Variants in LAMB4 observed in about 807,000 individuals in gnomAD.
LAMB4 encodes laminin subunit beta-4.
Under a neutral mutation model 199.2 loss-of-function variants are expected in LAMB4, and 196 were observed. That is an observed-to-expected ratio of 0.98 (90% confidence interval 0.88 to 1.11). The LOEUF is 1.11. Ranked by LOEUF, LAMB4 falls within the 50% of genes least tolerant of loss-of-function variation. The pLI, the probability that LAMB4 is intolerant of heterozygous loss-of-function variation, is 0.00. For synonymous variants in LAMB4, 744 were observed against 770.6 expected (o/e 0.97, Z 0.57); for missense variants, 2,080 against 2,171.2 (o/e 0.96, Z 0.83).
chr7:108,049,230 GA>G, intron 27 of LAMB4, 95 bp downstream of exon 27: 2 of 389,998 alleles, frequency 5.1e-6, no homozygotes, highest in Admixed American at 4.4e-5. Context: ...TAATGAAAAA[GA>G]AATTTAAAAT....
chr7:108,105,558 G>T (rs1409087617), intron 8 of LAMB4, among the ~76,000 whole-genome samples: 1 of 152,202 alleles, frequency 6.6e-6, no homozygotes, highest in Admixed American at 6.5e-5. Flanking sequence ...GCAAGATGAA[G>T]TATCTTGAAA....
intron 4 of LAMB4, among the ~76,000 whole-genome samples, chr7:108,110,207 T>G (rs2038171256): frequency 6.6e-6 from 1 of 152,110 alleles, no homozygotes; most frequent in African/African-American, 2.4e-5. Context: ...TTTTGTATTT[T>G]TAGTAGAGAC....
intron 1 of LAMB4, among the ~76,000 whole-genome samples, chr7:108,128,832 G>A (rs1385796860): frequency 3.3e-5 from 5 of 152,270 alleles, no homozygotes; most frequent in Non-Finnish European, 5.9e-5. Context: ...CTCTTTTCTT[G>A]TTAAATTCAT....
In LAMB4 at chr7:108,023,926, T is replaced by G; in HGVS notation, c.*113A>C. The G allele has an allele frequency of 1.2e-6, 1 of 848,196 alleles. No homozygotes were observed. Among genetic ancestry groups the G allele is most frequent in the Non-Finnish European group, 1.7e-6 (1 of 577,778 alleles). 52.5% of individuals were successfully genotyped at this position (848,196 alleles called of 1,614,324 possible). Reference sequence around the variant, plus strand: ...GCAGGTGTCTAATAAGGACAGGGTGTGGGGAAGGAAGGTAGAAGACATTGT... The same window carrying G: ...GCAGGTGTCTAATAAGGACAGGGTGGGGGGAAGGAAGGTAGAAGACATTGT... On this transcript the variant is annotated 3_prime_UTR_variant, in exon 34 of 34. Transcript: ENST00000388781.
Position 108,030,985 on chromosome 7 carries a change from G to T in LAMB4, c.4819-6C>A. The stretch of plus-strand genomic sequence containing the variant: ...TCCCTGGTTTGATTTTCAGCCTGTT[G>T]TTGATTTAAAGACCAAAAAGGGAAA... On this transcript the variant is annotated splice_polypyrimidine_tract_variant and splice_region_variant and intron_variant, in intron 31 of 33. Coordinates refer to ENST00000388781, the MANE Select transcript of LAMB4 (RefSeq NM_007356.3). The T allele has an allele frequency of 6.2e-7, 1 of 1,610,894 alleles. No individual in the cohort carries two copies. The highest frequency in any genetic ancestry group is 2.2e-5 in the East Asian group (1 of 44,676).
intron 5 of LAMB4, 105 bp from the exon 6 acceptor site, chr7:108,107,924 G>C (rs2038083598): frequency 1.2e-5 from 10 of 831,672 alleles, no homozygotes. Flanking sequence ...AAAACTTTAG[G>C]TGTATCTTTT....
Position 108,057,896 on chromosome 7 carries a change from G to T in LAMB4, c.3315C>A (p.Tyr1105Ter). The change falls in exon 24 of 34, where the codon TAC becomes TAA. Residue 1105 changes from tyrosine to a stop codon, truncating the protein, a stop_gained. Transcript: ENST00000388781. LOFTEE classifies it high-confidence loss of function. ...GGCACTCACTGCAACGTTTCCCGCC[G>T]TAACCTAATTTACACGGACACTGGC... ...LTGQCPCKLG[Y>*]GGKRCSECQE... 2 of 1,613,774 alleles carry T rather than the reference G, an allele frequency of 1.2e-6. No homozygotes were observed. The highest frequency in any genetic ancestry group is 1.7e-6 in the Non-Finnish European group (2 of 1,179,736).
rs2035149031 is a variant in LAMB4 at position 108,034,276 on chromosome 7, C to T, written c.4750G>A (p.Gly1584Arg). Reference sequence around the variant, plus strand: ...TGTGTAATGGTAGAGTTTGCCCGTCCTTGAGTGATTTGAGCTTGTTGTAAC... The same window carrying T: ...TGTGTAATGGTAGAGTTTGCCCGTCTTTGAGTGATTTGAGCTTGTTGTAAC... ...NQLQQAQITQGRANSTITQLT... is the reference protein window; with the variant it reads ...NQLQQAQITQRRANSTITQLT... Residue 1584 changes from glycine to arginine, a missense_variant, in exon 31 of 34, where the codon GGA (glycine) becomes AGA (arginine). Coordinates refer to ENST00000388781, the MANE Select transcript of LAMB4 (RefSeq NM_007356.3). 6.2e-7 allele frequency: 1 copy of T among 1,613,694 alleles called. No homozygotes were observed.
intron 31 of LAMB4, among the ~76,000 whole-genome samples, chr7:108,032,493 T>C (rs1409205239): frequency 6.6e-6 from 1 of 152,148 alleles, no homozygotes; most frequent in East Asian, 1.9e-4. Flanking sequence ...TTGGAGAGGA[T>C]TTTTGTTTGC....
intron 22 of LAMB4, 34 bp from the exon 23 acceptor site, chr7:108,063,028 C>G (rs377115957): frequency 4.0e-5 from 56 of 1,410,218 alleles, no homozygotes; most frequent in Non-Finnish European, 4.8e-5. Context: ...GAGGTAAATT[C>G]AATGATAAAT....
intron 14 of LAMB4, among the ~76,000 whole-genome samples, chr7:108,084,743 G>A (rs1215032630): frequency 6.9e-6 from 1 of 144,324 alleles, no homozygotes; most frequent in African/African-American, 2.6e-5. Flanking sequence ...TTTGAATGCA[G>A]AAAGAAAGGC....
intron 14 of LAMB4, among the ~76,000 whole-genome samples, chr7:108,087,079 G>A (rs2037209672): frequency 6.6e-6 from 1 of 152,140 alleles, no homozygotes; most frequent in Non-Finnish European, 1.5e-5. Flanking sequence ...GAGAAAGCAA[G>A]TCCCCATGAC....
chr7:108,033,826 A>T (rs979745493), intron 31 of LAMB4, among the ~76,000 whole-genome samples: 7 of 140,742 alleles, frequency 5.0e-5, no homozygotes, highest in Non-Finnish European at 1.1e-4. Flanking sequence ...TAGTTAACTC[A>T]TTTCTTTGGT....
At chr7:108,112,068 G>T in intron 3 of LAMB4, 122 bp from the exon 4 acceptor site, 1 of 698,262 alleles carries the variant, frequency 1.4e-6, no homozygotes, top group Non-Finnish European at 2.2e-6. Flanking sequence ...AAAAGGCAGA[G>T]GAAATAACAA....
At chr7:108,056,624 G>A (rs528430741) in intron 24 of LAMB4, among the ~76,000 whole-genome samples, 1 of 152,282 alleles carries the variant, frequency 6.6e-6, no homozygotes, top group East Asian at 1.9e-4. Flanking sequence ...CAAAAGGTTA[G>A]GGAATCACTA....
intron 17 of LAMB4, among the ~76,000 whole-genome samples, chr7:108,071,353 CT>C (rs60902656): frequency 1.1e-4 from 17 of 152,144 alleles, no homozygotes; most frequent in African/African-American, 3.1e-4. Context: ...CAGCACCCCC[CT>C]AACTCCACAC....
chr7:108,105,748 C>A, intron 8 of LAMB4, 69 bp downstream of exon 8: 1 of 1,308,168 alleles, frequency 7.6e-7, no homozygotes, highest in Non-Finnish European at 1.1e-6. Context: ...AGTGTCTCAT[C>A]TATATATAGC....
chr7:108,083,796 G>GT (rs2037051714), intron 14 of LAMB4, among the ~76,000 whole-genome samples: 1 of 152,206 alleles, frequency 6.6e-6, no homozygotes, highest in African/African-American at 2.4e-5. Flanking sequence ...ACCACTCCCA[G>GT]TGACCATGGT....
rs778857916 is a variant in LAMB4, at chr7:108,029,201, A to G, written c.4993-5T>C. 3 of 1,611,094 alleles carry G rather than the reference A, an allele frequency of 1.9e-6. No individual in the cohort carries two copies. Among genetic ancestry groups the G allele is most frequent in the Non-Finnish European group, 2.5e-6 (3 of 1,179,034 alleles). ...TTTTTTCAGCTCAACAAATTCCTGT[A>G]ACAAGCAACACTTGCATCATGAGAA... On this transcript the variant is annotated splice_polypyrimidine_tract_variant and splice_region_variant and intron_variant, in intron 32 of 33. Transcript: ENST00000388781.
Sources: allele counts gnomAD v4.1 joint callset (sites outside exome capture counted in the v4.1 genomes callset), GRCh38; gene constraint gnomAD v4.1.1; transcripts MANE v1.5; gene names NCBI Gene and HGNC (gene_info 2026-07-23, HGNC 2026-07-21).